Variants in TRPM3 observed in about 807,000 individuals in gnomAD.
TRPM3 encodes long transient receptor potential channel 3.
A neutral mutation model predicts 181.2 loss-of-function variants in TRPM3; 77 were observed. The ratio of observed to expected loss-of-function variants is 0.42; its 90% CI spans 0.35 to 0.51. The LOEUF (loss-of-function observed/expected upper bound fraction) is 0.51, where lower values mean the gene tolerates loss of function less well. TRPM3 is among the 20% of genes least tolerant of loss of function. The pLI, the probability that TRPM3 is intolerant of heterozygous loss-of-function variation, is 0.01. For missense variants in TRPM3, 1,759 were observed against 2,196.7 expected (o/e 0.80, Z 3.98); for synonymous variants, 745 against 796.4 (o/e 0.94, Z 1.09).
At chr9:71,096,547 C>A (rs190412076) in intron 1 of TRPM3, among the ~76,000 whole-genome samples, 1 of 135,814 alleles carries the variant, frequency 7.4e-6, no homozygotes, top group South Asian at 2.5e-4. Flanking sequence ...GAACCCCCAT[C>A]CTGTGAGCGC....
intron 1 of TRPM3, among the ~76,000 whole-genome samples, chr9:71,388,904 T>C (rs1588794909): frequency 1.3e-5 from 2 of 152,082 alleles, no homozygotes; most frequent in Admixed American, 6.6e-5. Context: ...GTGAACAGGT[T>C]TGGCCACTTG....
At chr9:71,295,210 A>G (rs1183600709) in intron 1 of TRPM3, among the ~76,000 whole-genome samples, 1 of 152,214 alleles carries the variant, frequency 6.6e-6, no homozygotes, top group Middle Eastern at 3.2e-3. Context: ...CATTATGCAA[A>G]TAACATGAAG....
At chr9:70,853,999 A>G (rs2095315600) in intron 3 of TRPM3, among the ~76,000 whole-genome samples, 1 of 152,180 alleles carries the variant, frequency 6.6e-6, no homozygotes, top group Non-Finnish European at 1.5e-5. Flanking sequence ...TTCCTTTTGT[A>G]AGCTCTCCAG....
chr9:70,835,821 T>C (rs946423964), intron 5 of TRPM3, among the ~76,000 whole-genome samples: 1 of 152,134 alleles, frequency 6.6e-6, no homozygotes, highest in Admixed American at 6.6e-5. Flanking sequence ...GAAGCAGTAT[T>C]GGTCTCTATA....
chr9:71,283,005 T>C (rs2132216585), intron 1 of TRPM3, among the ~76,000 whole-genome samples: 1 of 152,310 alleles, frequency 6.6e-6, no homozygotes, highest in South Asian at 2.1e-4. Flanking sequence ...TCCTTCACTC[T>C]TATTCCTTTC....
At position 70,625,897 on chromosome 9, in the gene TRPM3, CT is replaced by C. The variant is rs1195939234; in HGVS notation, c.1633-381del. 6.6e-6 allele frequency among the ~76,000 whole-genome samples: 1 copy of C among 152,068 alleles called. No homozygotes were observed. The highest frequency in any genetic ancestry group is 2.4e-5 in the African/African-American group (1 of 41,388). On this transcript the variant is annotated intron_variant, in intron 12 of 25. Transcript: ENST00000677713. This position sits in a 1 kb window ranked among gnomAD's most constrained non-coding sequence, Gnocchi z 4.8. Reference sequence around the variant, plus strand: ...TATCCATAATTTTAAAAAATTGACACTTTTTTCATAAAAGAAGAGCAATATT... The same window carrying C: ...TATCCATAATTTTAAAAAATTGACACTTTTTCATAAAAGAAGAGCAATATT...
intron 1 of TRPM3, among the ~76,000 whole-genome samples, chr9:71,134,008 T>TGC (rs1200929467): frequency 3.9e-4 from 34 of 87,924 alleles, no homozygotes; most frequent in Admixed American, 7.0e-4. Flanking sequence ...TGTGTGTGTG[T>TGC]GTGTGTGCGC....
At chr9:70,653,169 A>G (rs1356199147) in intron 9 of TRPM3, among the ~76,000 whole-genome samples, 1 of 152,134 alleles carries the variant, frequency 6.6e-6, no homozygotes, top group African/African-American at 2.4e-5. Context: ...CTTTAGAGAG[A>G]GGAAGAAAAG....
At chr9:70,931,772 C>A (rs1452350203) in intron 1 of TRPM3, among the ~76,000 whole-genome samples, 1 of 152,070 alleles carries the variant, frequency 6.6e-6, no homozygotes, top group African/African-American at 2.4e-5. Flanking sequence ...TGAAGTTTTA[C>A]TTTTACTTGT....
At chr9:70,807,924 G>A (rs1224806383) in intron 6 of TRPM3, among the ~76,000 whole-genome samples, 1 of 152,102 alleles carries the variant, frequency 6.6e-6, no homozygotes, top group Non-Finnish European at 1.5e-5. Context: ...AGGAATTTAG[G>A]TTTTGGCCAG....
At chr9:71,071,545 T>G (rs1242877629) in intron 1 of TRPM3, among the ~76,000 whole-genome samples, 2 of 152,026 alleles carry the variant, frequency 1.3e-5, no homozygotes, top group African/African-American at 4.8e-5. Context: ...GCCCAGAAAA[T>G]CAAGAAATTT....
chr9:71,309,540 C>T (rs192635143), intron 1 of TRPM3, among the ~76,000 whole-genome samples: 14 of 152,234 alleles, frequency 9.2e-5, no homozygotes, highest in Non-Finnish European at 1.9e-4. Flanking sequence ...ATAAAGTATG[C>T]TCTGCAAAAT....
intron 1 of TRPM3, among the ~76,000 whole-genome samples, chr9:71,031,756 T>G (rs1235366611): frequency 2.0e-5 from 3 of 150,796 alleles, no homozygotes; most frequent in African/African-American, 7.3e-5. Flanking sequence ...AATCCTACCC[T>G]AAATGTGTTT....
intron 1 of TRPM3, among the ~76,000 whole-genome samples, chr9:71,361,980 C>T (rs375366449): frequency 6.6e-6 from 1 of 152,068 alleles, no homozygotes; most frequent in South Asian, 2.1e-4. Context: ...CTAGTCGAAG[C>T]CCCTTCATTC....
At chr9:71,430,005 T>C (rs2093931752) in intron 1 of TRPM3, among the ~76,000 whole-genome samples, 2 of 152,164 alleles carry the variant, frequency 1.3e-5, no homozygotes, top group Non-Finnish European at 2.9e-5. Context: ...CAGATAGCCT[T>C]TCTCCTTAGC....
intron 1 of TRPM3, among the ~76,000 whole-genome samples, chr9:71,360,941 T>C (rs1334665612): frequency 6.6e-6 from 1 of 152,212 alleles, no homozygotes; most frequent in African/African-American, 2.4e-5. Flanking sequence ...CAGTTCATTA[T>C]ATTATTCTCT....
At chr9:70,546,727 G>T (rs192798375) in intron 25 of TRPM3, among the ~76,000 whole-genome samples, 4 of 148,936 alleles carry the variant, frequency 2.7e-5, no homozygotes, top group Non-Finnish European at 4.4e-5. Flanking sequence ...CAGATGAAAA[G>T]CTTGGTTATT....
intron 1 of TRPM3, among the ~76,000 whole-genome samples, chr9:71,192,039 A>G (rs1000393583): frequency 6.6e-6 from 1 of 151,854 alleles, no homozygotes; most frequent in Non-Finnish European, 1.5e-5. Flanking sequence ...AGAAAAATTT[A>G]TATCATATAC....
intron 1 of TRPM3, among the ~76,000 whole-genome samples, chr9:71,197,421 T>C (rs573227294): frequency 1.3e-5 from 2 of 152,266 alleles, no homozygotes; most frequent in Non-Finnish European, 1.5e-5. Flanking sequence ...GTATTTCTAG[T>C]TCTAGATCCC....
Sources: gnomAD v4.1 joint callset for allele counts (sites outside exome capture counted in the v4.1 genomes callset) on GRCh38, gnomAD v4.1.1 for gene constraint, Gnocchi (gnomAD v3.1) non-coding constraint, MANE v1.5 for transcripts, NCBI Gene and HGNC (gene_info 2026-07-23, HGNC 2026-07-21) for gene names.